The following TTC39C variants were observed in gnomAD, a reference collection of about 807,000 sequenced individuals.
TTC39C encodes the protein tetratricopeptide repeat protein 39C.
A neutral mutation model predicts 76.3 loss-of-function variants in TTC39C; 33 were observed. That is an observed-to-expected ratio of 0.43 (90% confidence interval 0.33 to 0.58). TTC39C has a LOEUF of 0.58. Ranked by LOEUF, TTC39C falls within the 20% of genes least tolerant of loss-of-function variation. TTC39C has a pLI of 0.04. For synonymous variants in TTC39C, 254 were observed against 260.6 expected (o/e 0.97, Z 0.24); for missense variants, 595 against 701.4 (o/e 0.85, Z 1.71).
intron 1 of TTC39C, chr18:24,022,652 C>G (rs2083531569): frequency 1.0e-6 from 1 of 985,294 alleles, no homozygotes; most frequent in Admixed American, 6.1e-5. Context: ...CATCAAACCC[C>G]CAGAGAGATC....
chr18:24,068,703 T>G (rs1421361243), intron 3 of TTC39C, among the ~76,000 whole-genome samples: 1 of 152,248 alleles, frequency 6.6e-6, no homozygotes, highest in African/African-American at 2.4e-5. Flanking sequence ...TTTCTGATCC[T>G]TACATCTCAG....
intron 5 of TTC39C, 53 bp downstream of exon 5, chr18:24,080,992 T>A: frequency 6.8e-7 from 1 of 1,467,926 alleles, no homozygotes; most frequent in Non-Finnish European, 9.2e-7. Context: ...TGAAAGTAAG[T>A]AAACGACAAT....
At chr18:24,038,647 C>T (rs527650371) in intron 1 of TTC39C, among the ~76,000 whole-genome samples, 2 of 152,276 alleles carry the variant, frequency 1.3e-5, no homozygotes, top group East Asian at 1.9e-4. Context: ...TCATATTGGT[C>T]CACTTAGGCT....
At chr18:24,004,126 G>C (rs1004359185) in intron 1 of TTC39C, among the ~76,000 whole-genome samples, 1 of 152,158 alleles carries the variant, frequency 6.6e-6, no homozygotes, top group African/African-American at 2.4e-5. Context: ...CACTCCAGAG[G>C]CAGAAGTGAG....
upstream of TTC39C, among the ~76,000 whole-genome samples, chr18:24,011,013 A>G (rs2083390151): frequency 6.6e-6 from 1 of 152,202 alleles, no homozygotes; most frequent in African/African-American, 2.4e-5. Context: ...TCGCCCCTGC[A>G]TTCCAGCCTG....
chr18:24,072,762 T>C (rs566289267), intron 4 of TTC39C, among the ~76,000 whole-genome samples: 161 of 152,390 alleles, frequency 1.1e-3, no homozygotes, highest in African/African-American at 3.5e-3. Flanking sequence ...TGATAAATTA[T>C]TTTTAAAACA....
chr18:24,007,222 AC>A (rs1475049209), intron 1 of TTC39C, among the ~76,000 whole-genome samples: 1 of 152,236 alleles, frequency 6.6e-6, no homozygotes, highest in Non-Finnish European at 1.5e-5. Flanking sequence ...ACAAGAGCTG[AC>A]TGCAAAACAT....
rs1218729029 is a variant in TTC39C at position 24,092,105 on chromosome 18, A to AT, written c.984+9024_984+9025insT. On this transcript the variant is annotated intron_variant, in intron 6 of 13. Coordinates refer to ENST00000317571, the MANE Select transcript of TTC39C (RefSeq NM_001135993.2). Reference sequence around the variant, plus strand: ...GAGACTCAGTCTCAAAAAAAAAAAAAAAAAAAAAAAAAAAAAAAAATAATA... The same window carrying AT: ...GAGACTCAGTCTCAAAAAAAAAAAAATAAAAAAAAAAAAAAAAAAAATAATA... Among the ~76,000 whole-genome samples the AT allele has an allele frequency of 4.4e-4, 57 of 130,580 alleles. 5 individuals are homozygous for AT. The Admixed American group carries it at 4.7e-3, about 11-fold the overall frequency. The allele number at this position is 130,580 out of a possible 152,430, so 85.7% of individuals were successfully genotyped here.
chr18:24,009,033 A>T (rs564113759), intron 1 of TTC39C, among the ~76,000 whole-genome samples: 1 of 152,298 alleles, frequency 6.6e-6, no homozygotes, highest in South Asian at 2.1e-4. Context: ...GGAACCACAG[A>T]CGCCAGGGTC....
intron 1 of TTC39C, among the ~76,000 whole-genome samples, chr18:24,030,785 GCTGGGATCA>G (rs1226571442): frequency 6.6e-6 from 1 of 150,850 alleles, no homozygotes; most frequent in African/African-American, 2.4e-5. Context: ...CTCCTGAGTA[GCTGGGATCA>G]TAGGCACCCA....
chr18:24,083,116 C>G (rs1175218479), intron 6 of TTC39C, 35 bp downstream of exon 6: 1 of 1,553,162 alleles, frequency 6.4e-7, no homozygotes, highest in African/African-American at 1.4e-5. Context: ...AAAATAAAGC[C>G]TCCGATGATC....
At chr18:24,029,689 T>TTA (rs149795238) in intron 1 of TTC39C, among the ~76,000 whole-genome samples, 12 of 151,890 alleles carry the variant, frequency 7.9e-5, no homozygotes, top group Non-Finnish European at 1.6e-4. Context: ...CCAAAGTCTA[T>TTA]TGTCATTGTT....
intron 1 of TTC39C, among the ~76,000 whole-genome samples, chr18:24,058,997 A>G (rs2084054509): frequency 6.6e-6 from 1 of 152,214 alleles, no homozygotes; most frequent in Admixed American, 6.5e-5. Flanking sequence ...GGAAGTTTTT[A>G]ATGTATCCTG....
chr18:24,111,393 A>G (rs2145804546), intron 6 of TTC39C, among the ~76,000 whole-genome samples: 1 of 151,008 alleles, frequency 6.6e-6, no homozygotes. Context: ...ATATGGTGAA[A>G]CCTCATCTGT....
Position 24,031,349 on chromosome 18 carries a change from C to G in TTC39C, c.167+16311C>G, listed in dbSNP as rs143917510. Among the ~76,000 whole-genome samples, 6 of 152,282 alleles carry G rather than the reference C, an allele frequency of 3.9e-5. No individual in the cohort carries two copies. The East Asian group carries it at 9.6e-4, about 24-fold the overall frequency. The stretch of plus-strand genomic sequence containing the variant: ...AAAGATTGTGAGTGGAAGATATGCT[C>G]CCAGTCCTAGAGTGTATGCTGGTTC... On this transcript the variant is annotated intron_variant, in intron 1 of 13. Coordinates refer to ENST00000317571, the MANE Select transcript of TTC39C (RefSeq NM_001135993.2).
chr18:24,071,816 A>T (rs1274429497), intron 4 of TTC39C, among the ~76,000 whole-genome samples: 1 of 152,184 alleles, frequency 6.6e-6, no homozygotes, highest in Non-Finnish European at 1.5e-5. Flanking sequence ...TTCTTCTAAT[A>T]GTTTGATATT....
At chr18:24,000,776 G>C (rs2083305194) in intron 1 of TTC39C, among the ~76,000 whole-genome samples, 2 of 152,104 alleles carry the variant, frequency 1.3e-5, no homozygotes, top group African/African-American at 4.8e-5. Context: ...AATTCTTCAT[G>C]ATTTTTTAAA....
intron 4 of TTC39C, among the ~76,000 whole-genome samples, chr18:24,077,486 G>A (rs1475938520): frequency 6.6e-6 from 1 of 152,188 alleles, no homozygotes. Flanking sequence ...TTCTGTATGT[G>A]ACCCAATAGA....
intron 1 of TTC39C, among the ~76,000 whole-genome samples, chr18:24,023,973 TA>T (rs2083555816): frequency 7.6e-4 from 13 of 17,148 alleles, no homozygotes; most frequent in African/African-American, 2.2e-3. Flanking sequence ...TATATATATA[TA>T]TATATACATA....
Sources: allele counts gnomAD v4.1 joint callset (sites outside exome capture counted in the v4.1 genomes callset), GRCh38; gene constraint gnomAD v4.1.1; transcripts MANE v1.5; gene names NCBI Gene and HGNC (gene_info 2026-07-23, HGNC 2026-07-21).